The following CADM2 variants were observed in gnomAD, a reference collection of about 807,000 sequenced individuals.
CADM2 encodes the protein cell adhesion molecule 2.
CADM2 carries 12 observed loss-of-function variants against 49.8 expected under a neutral mutation model. The ratio of observed to expected loss-of-function variants is 0.24; its 90% CI spans 0.15 to 0.39. The LOEUF (loss-of-function observed/expected upper bound fraction) is 0.39, where lower values mean the gene tolerates loss of function less well. CADM2 is among the 10% of genes least tolerant of loss of function. The probability of loss-of-function intolerance (pLI) is 1.00; values close to 1 mark genes in which losing one functional copy is unlikely to be tolerated. For synonymous variants in CADM2, 214 were observed against 175.4 expected (o/e 1.22, Z -1.74); for missense variants, 378 against 492.3 (o/e 0.77, Z 2.20).
chr3:85,982,458 A>G (rs190152282), intron 8 of CADM2, among the ~76,000 whole-genome samples: 2 of 151,618 alleles, frequency 1.3e-5, no homozygotes, highest in African/African-American at 4.8e-5. Flanking sequence ...GTTTTTTTGT[A>G]AGCTGGGAAG....
At chr3:85,360,554 A>G (rs752417958) in intron 1 of CADM2, among the ~76,000 whole-genome samples, 21 of 152,194 alleles carry the variant, frequency 1.4e-4, no homozygotes, top group Non-Finnish European at 2.2e-4. Context: ...TGAGTTAATC[A>G]GTTTCCTTCT....
chr3:85,827,486 T>C (rs975134612), intron 3 of CADM2, among the ~76,000 whole-genome samples: 1 of 151,984 alleles, frequency 6.6e-6, no homozygotes, highest in Non-Finnish European at 1.5e-5. Context: ...ACAAGGAAAT[T>C]ATAAAATTCT....
intron 2 of CADM2, 53 bp from the exon 3 acceptor site, chr3:85,801,994 T>TGGTC: frequency 2.2e-6 from 3 of 1,334,560 alleles, no homozygotes; most frequent in Admixed American, 2.3e-5. Flanking sequence ...TCTTAGGCAG[T>TGGTC]TAATCATTTT....
intron 1 of CADM2, among the ~76,000 whole-genome samples, chr3:85,209,068 G>A (rs943182862): frequency 6.6e-6 from 1 of 152,126 alleles, no homozygotes; most frequent in Non-Finnish European, 1.5e-5. Context: ...GAAACTGTGT[G>A]TACAGAACTC....
chr3:85,820,988 G>A (rs546469354), intron 3 of CADM2, among the ~76,000 whole-genome samples: 41 of 152,106 alleles, frequency 2.7e-4, no homozygotes, highest in Non-Finnish European at 1.3e-4. Context: ...GAAAAGCAGC[G>A]ATAAAACTAC....
intron 1 of CADM2, among the ~76,000 whole-genome samples, chr3:84,972,740 C>T (rs1383067377): frequency 1.3e-5 from 2 of 152,068 alleles, no homozygotes; most frequent in African/African-American, 4.8e-5. Flanking sequence ...TTCGTTGATT[C>T]ATTTATCAAC....
chr3:85,304,624 A>T (rs1023288791), intron 1 of CADM2, among the ~76,000 whole-genome samples: 2 of 151,842 alleles, frequency 1.3e-5, no homozygotes, highest in Non-Finnish European at 2.9e-5. Context: ...AACGGTTGTA[A>T]TAACTCACCT....
At chr3:85,694,947 A>AT (rs1042469449) in intron 1 of CADM2, among the ~76,000 whole-genome samples, 7 of 151,952 alleles carry the variant, frequency 4.6e-5, no homozygotes, top group East Asian at 1.9e-4. Flanking sequence ...ATAAAATAAA[A>AT]AAAATAAAAG....
intron 5 of CADM2, among the ~76,000 whole-genome samples, chr3:85,887,622 T>C (rs1713850823): frequency 1.3e-5 from 2 of 152,176 alleles, no homozygotes; most frequent in Non-Finnish European, 2.9e-5. Context: ...GTATTTCTAA[T>C]AAATATACAT....
chr3:85,017,980 A>G (rs17022298), intron 1 of CADM2, among the ~76,000 whole-genome samples: 7,512 of 152,258 alleles, frequency 0.049, 223 homozygotes, highest in East Asian at 0.1. Flanking sequence ...ATGTTCCCAG[A>G]ATGGCCATAT....
intron 1 of CADM2, among the ~76,000 whole-genome samples, chr3:85,069,601 A>G (rs1042298247): frequency 1.3e-5 from 2 of 152,008 alleles, no homozygotes; most frequent in African/African-American, 4.8e-5. Context: ...TGGGAAAATC[A>G]TATCTGAATT....
At chr3:85,812,287 A>C (rs2072928043) in intron 3 of CADM2, among the ~76,000 whole-genome samples, 3 of 152,150 alleles carry the variant, frequency 2.0e-5, no homozygotes, top group Admixed American at 2.0e-4. Context: ...GTCTAGAAAA[A>C]AAATAATTCG....
At chr3:85,210,807 A>G (rs2041760250) in intron 1 of CADM2, among the ~76,000 whole-genome samples, 1 of 152,132 alleles carries the variant, frequency 6.6e-6, no homozygotes, top group Non-Finnish European at 1.5e-5. Flanking sequence ...CTCCTAGAGT[A>G]GAAGATTACA....
chr3:85,533,971 G>C (rs2061373414), intron 1 of CADM2, among the ~76,000 whole-genome samples: 1 of 152,040 alleles, frequency 6.6e-6, no homozygotes, highest in Non-Finnish European at 1.5e-5. Flanking sequence ...TTATCATTTA[G>C]AAATGCCATA....
At chr3:86,029,061 A>T (rs544865167) in intron 8 of CADM2, among the ~76,000 whole-genome samples, 1 of 152,300 alleles carries the variant, frequency 6.6e-6, no homozygotes, top group Non-Finnish European at 1.5e-5. Context: ...TCCCTGCTCT[A>T]GTTTGATTGG....
intron 3 of CADM2, among the ~76,000 whole-genome samples, chr3:85,854,550 G>A (rs1041353172): frequency 3.3e-5 from 5 of 152,204 alleles, no homozygotes; most frequent in East Asian, 1.9e-4. Flanking sequence ...AACACCAAAT[G>A]TTCTCACTCA....
intron 1 of CADM2, among the ~76,000 whole-genome samples, chr3:85,490,308 A>G (rs898379930): frequency 2.0e-5 from 3 of 152,020 alleles, no homozygotes; most frequent in Admixed American, 6.6e-5. Context: ...TCAAATTTCT[A>G]TTTCCCCTGT....
intron 3 of CADM2, among the ~76,000 whole-genome samples, chr3:85,841,656 A>C (rs2074643585): frequency 6.6e-6 from 1 of 152,030 alleles, no homozygotes; most frequent in South Asian, 2.1e-4. Context: ...AGTAGTGGAC[A>C]CAATATCTGT....
intron 1 of CADM2, among the ~76,000 whole-genome samples, chr3:85,552,717 CCCA>C (rs2061843498): frequency 6.6e-6 from 1 of 151,418 alleles, no homozygotes; most frequent in Admixed American, 6.6e-5. Flanking sequence ...CACTCTGTCG[CCCA>C]GGCTGGAATG....
Sources: gnomAD v4.1 joint callset for allele counts (sites outside exome capture counted in the v4.1 genomes callset) on GRCh38, gnomAD v4.1.1 for gene constraint, MANE v1.5 for transcripts, NCBI Gene and HGNC (gene_info 2026-07-23, HGNC 2026-07-21) for gene names.